Variants in TADA1 observed in about 807,000 individuals in gnomAD.
TADA1 encodes the protein transcriptional adaptor 1, also known as transcriptional adapter 1.
A neutral mutation model predicts 39.3 loss-of-function variants in TADA1; 23 were observed. That is an observed-to-expected ratio of 0.58 (90% CI 0.42 to 0.83). TADA1 has a LOEUF of 0.83. TADA1 is among the 40% of genes least tolerant of loss of function. TADA1 has a pLI of 0.00. For missense variants in TADA1, 352 were observed against 408.1 expected, an observed-to-expected ratio of 0.86 and a Z score of 1.18; for synonymous variants, 137 against 151.8, an observed-to-expected ratio of 0.90 and a Z score of 0.72.
chr1:166,864,894 T>C (rs1443710066), intron 3 of TADA1, among the ~76,000 whole-genome samples: 2 of 152,186 alleles, frequency 1.3e-5, no homozygotes, highest in Non-Finnish European at 2.9e-5. Context: ...TGGATGTTGG[T>C]ACCCTACAGC....
rs776839270 is a variant in TADA1, at chr1:166,869,833, C to A, written c.96G>T (p.Leu32=). Residue 32 remains leucine (L), a synonymous_variant, in exon 2 of 8, where the codon CTG becomes CTT. Transcript: ENST00000367874. ...NVKQYWANLK[L]WFKQKISKEE... is the part of the protein sequence containing the mutation. ...CTTTGCTGATCTTCTGCTTGAACCA[C>A]AGCTTTAGGTTAGCCCAGTATCTGC... 1.2e-6 allele frequency: 2 copies of A among 1,613,998 alleles called. No individual in the cohort carries two copies. The highest frequency in any genetic ancestry group is 1.7e-6 in the Non-Finnish European group (2 of 1,180,012).
rs755108473 is a variant in TADA1, at chr1:166,862,220, C to G, written c.523G>C (p.Val175Leu). 6.2e-7 allele frequency: 1 copy of G among 1,613,516 alleles called. No individual in the cohort carries two copies. Among genetic ancestry groups the G allele is most frequent in the African/African-American group, 1.3e-5 (1 of 75,044 alleles). Residue 175 changes from valine to leucine, a missense_variant, in exon 5 of 8, where the codon GTT becomes CTT. Physicochemically the swap from Val to Leu is conservative, Grantham distance 32. Around this residue, in one of 3 missense-constraint regions of TADA1, gnomAD observed 285 missense variants for 310.9 expected, o/e 0.92. Coordinates refer to ENST00000367874, the MANE Select transcript of TADA1 (RefSeq NM_053053.4). ...DNVTEEAVSA[V>L]VYAVENHLKD... ...AAACCAACCTCCACAGCATAGACAA[C>G]AGCTGAAACAGCCTCCTCGGTGACA...
chr1:166,860,672 A>G (rs552763160), intron 5 of TADA1, among the ~76,000 whole-genome samples: 1 of 152,314 alleles, frequency 6.6e-6, no homozygotes, highest in East Asian at 1.9e-4. Flanking sequence ...AAGTACACAA[A>G]AATGACTTTT....
chr1:166,876,031 C>A, intron 1 of TADA1, 129 bp downstream of exon 1: 6 of 883,724 alleles, frequency 6.8e-6, no homozygotes, highest in Non-Finnish European at 9.7e-6. Flanking sequence ...AACCCCGAAG[C>A]CCCGCCGCCG....
chr1:166,871,001 G>A (rs185581742), intron 1 of TADA1, among the ~76,000 whole-genome samples: 161 of 152,246 alleles, frequency 1.1e-3, no homozygotes, highest in African/African-American at 3.7e-3. Context: ...TTAACGGAGA[G>A]GGGAGTAGTC....
chr1:166,865,997 TCTTTG>T (rs1658524223), intron 3 of TADA1, among the ~76,000 whole-genome samples: 1 of 150,904 alleles, frequency 6.6e-6, no homozygotes, highest in African/African-American at 2.5e-5. Context: ...GTTCCTCTTA[TCTTTG>T]GCATGCACAG....
At chr1:166,861,710 A>C (rs1658419338) in intron 5 of TADA1, among the ~76,000 whole-genome samples, 1 of 152,222 alleles carries the variant, frequency 6.6e-6, no homozygotes, top group Admixed American at 6.5e-5. Context: ...AGCTTAGTCT[A>C]TTAACTGAAG....
At position 166,876,258 on chromosome 1, in the gene TADA1, G is replaced by C; in HGVS notation, c.-25C>G. On this transcript the variant is annotated 5_prime_UTR_variant, in exon 1 of 8. Coordinates refer to ENST00000367874, the MANE Select transcript of TADA1 (RefSeq NM_053053.4). ...TTGCTCCGCGTGTCTCAGCCCGACC[G>C]CAGACCGCCCGGCCACCGCGATCAA... 6.2e-7 allele frequency: 1 copy of C among 1,607,906 alleles called. No individual in the cohort carries two copies. Among genetic ancestry groups the C allele is most frequent in the Non-Finnish European group, 8.5e-7 (1 of 1,177,346 alleles).
At position 166,856,545 on chromosome 1, in the gene TADA1, T is replaced by C. The variant is rs1221891012; in HGVS notation, c.*1022A>G. On this transcript the variant is annotated 3_prime_UTR_variant, in exon 8 of 8. Coordinates refer to ENST00000367874, the MANE Select transcript of TADA1 (RefSeq NM_053053.4). ...AAAGGTTTATTTGTCACATTTAAAG[T>C]ACAAAATCAAATACACAGATCCAGA... 1 of 151,206 alleles carries C rather than the reference T, an allele frequency of 6.6e-6. No individual in the cohort carries two copies. Among genetic ancestry groups the C allele is most frequent in the Non-Finnish European group, 1.5e-5 (1 of 67,748 alleles). The allele number at this position is 151,206 out of a possible 1,614,324, so 9.4% of individuals were successfully genotyped here.
chr1:166,860,065 G>A, intron 6 of TADA1, 121 bp downstream of exon 6: 3 of 926,474 alleles, frequency 3.2e-6, no homozygotes, highest in East Asian at 2.8e-5. Context: ...AAATAAAATT[G>A]TACTCCTATT....
At chr1:166,862,801 G>A in intron 4 of TADA1, 1 of 205,694 alleles carries the variant, frequency 4.9e-6, no homozygotes, top group Non-Finnish European at 9.9e-6. Context: ...TATAATGAAT[G>A]ATTCAATTAA....
chr1:166,867,882 G>A (rs942170571), intron 3 of TADA1, among the ~76,000 whole-genome samples: 1 of 152,166 alleles, frequency 6.6e-6, no homozygotes, highest in Admixed American at 6.5e-5. Flanking sequence ...GCCCTGGCTT[G>A]AGTTCTTTAT....
At chr1:166,860,161 G>A (rs1368361246) in intron 6 of TADA1, 25 bp downstream of exon 6, 1 of 1,577,294 alleles carries the variant, frequency 6.3e-7, no homozygotes, top group Non-Finnish European at 8.6e-7. Flanking sequence ...AAGATGGAAA[G>A]AAAATCACAA....
At chr1:166,869,169 GA>G in intron 3 of TADA1, 1 of 422,996 alleles carries the variant, frequency 2.4e-6, no homozygotes. Context: ...GGATGACACT[GA>G]AAGGGGTTCA....
rs1658292371 is a variant in TADA1 at position 166,856,969 on chromosome 1, CTTTAT to C, written c.*593_*597del. ...CTTTGGTTTTAAATGCAAAGAGGGG[CTTTAT>C]TTTGTTTAGTACACAGAGCACTTCC... On this transcript the variant is annotated 3_prime_UTR_variant, in exon 8 of 8. Transcript: ENST00000367874. 1 of 152,116 alleles carries C rather than the reference CTTTAT, an allele frequency of 6.6e-6. No individual in the cohort carries two copies. Among genetic ancestry groups the C allele is most frequent in the Non-Finnish European group, 1.5e-5 (1 of 68,008 alleles). The allele number at this position is 152,116 out of a possible 1,614,324, so 9.4% of individuals were successfully genotyped here.
At chr1:166,869,195 C>G in intron 3 of TADA1, 1 of 447,964 alleles carries the variant, frequency 2.2e-6, no homozygotes, top group Non-Finnish European at 4.2e-6. Flanking sequence ...GTTTGGGTTC[C>G]ACTGGAAAGA....
At chr1:166,857,976 G>C in intron 7 of TADA1, 143 bp downstream of exon 7, 1 of 1,105,794 alleles carries the variant, frequency 9.0e-7, no homozygotes, top group South Asian at 1.5e-5. Flanking sequence ...AATGAGGCTA[G>C]TATTAATAAC....
At chr1:166,857,923 C>A (rs1278440558) in intron 7 of TADA1, among the ~76,000 whole-genome samples, 196 bp downstream of exon 7, 1 of 151,642 alleles carries the variant, frequency 6.6e-6, no homozygotes, top group East Asian at 1.9e-4. Context: ...TTTTTCTTTT[C>A]TTTCTTTATT....
chr1:166,856,607 T>C lies in TADA1; in HGVS notation c.*960A>G. On this transcript the variant is annotated 3_prime_UTR_variant, in exon 8 of 8. Transcript: ENST00000367874. ...TATATACATATCTATACAACCATTA[T>C]TTAGACTTTCACAAACCTATCTATA... 1 of 152,668 alleles carries C rather than the reference T, an allele frequency of 6.6e-6. No homozygotes were observed. The highest frequency in any genetic ancestry group is 1.9e-4 in the East Asian group (1 of 5,184). 9.5% of individuals were successfully genotyped at this position (152,668 alleles called of 1,614,324 possible). A position where few individuals can be genotyped will look rare whatever the true frequency, so the allele number is the denominator to read the frequency against.
Sources: allele counts gnomAD v4.1 joint callset (sites outside exome capture counted in the v4.1 genomes callset), GRCh38; gene constraint gnomAD v4.1.1; regional missense constraint gnomAD v4.1.1; transcripts MANE v1.5; gene names NCBI Gene and HGNC (gene_info 2026-07-23, HGNC 2026-07-21).